PPFIA2: variants seen among roughly 807,000 people sequenced by gnomAD.
PPFIA2 encodes liprin-alpha-2.
Under a neutral mutation model 175.5 loss-of-function variants are expected in PPFIA2, and 46 were observed. The observed-to-expected ratio is 0.26, with a 90% confidence interval of 0.21 to 0.34. The LOEUF (loss-of-function observed/expected upper bound fraction) is 0.34, where lower values mean the gene tolerates loss of function less well. PPFIA2 is among the 10% of genes least tolerant of loss of function. The pLI is 1.00. For missense variants in PPFIA2, 1,179 were observed against 1,506.1 expected (o/e 0.78, Z 3.60); for synonymous variants, 568 against 511.4 (o/e 1.11, Z -1.49).
intron 3 of PPFIA2, among the ~76,000 whole-genome samples, chr12:81,748,165 A>G (rs964720841): frequency 6.9e-6 from 1 of 143,914 alleles, no homozygotes; most frequent in Non-Finnish European, 1.6e-5. Flanking sequence ...CTTTCTCTTC[A>G]ATAGTCTTTA....
chr12:81,559,788 T>C (rs2069604929), intron 4 of PPFIA2, among the ~76,000 whole-genome samples: 1 of 148,326 alleles, frequency 6.7e-6, no homozygotes, highest in African/African-American at 2.5e-5. Context: ...CAATGCTTTT[T>C]ACATGATGCT....
intron 4 of PPFIA2, among the ~76,000 whole-genome samples, chr12:81,594,549 A>G (rs1031233368): frequency 1.2e-4 from 18 of 152,184 alleles, no homozygotes; most frequent in African/African-American, 4.3e-4. Context: ...GTTGTTATTT[A>G]TGAAAGTTTC....
intron 4 of PPFIA2, among the ~76,000 whole-genome samples, chr12:81,597,602 C>G (rs1253983657): frequency 1.3e-5 from 2 of 151,998 alleles, no homozygotes; most frequent in African/African-American, 4.8e-5. Flanking sequence ...ACTCTTTCTG[C>G]GACGCACAAG....
At chr12:81,661,002 G>A (rs1473295569) in intron 4 of PPFIA2, among the ~76,000 whole-genome samples, 11 of 152,136 alleles carry the variant, frequency 7.2e-5, no homozygotes, top group Admixed American at 6.5e-4. Flanking sequence ...AATGCTGAGA[G>A]ATTTTGTCAC....
Position 81,447,208 on chromosome 12 carries a change from T to C in PPFIA2, c.406-1488A>G, listed in dbSNP as rs1486587722. ...AAATTTTCAAGGAGCCCTTTAAAATTTATCAATCTCTGATTATATTATGGT... is the reference window on the plus strand; with the variant it reads ...AAATTTTCAAGGAGCCCTTTAAAATCTATCAATCTCTGATTATATTATGGT... On this transcript the variant is annotated intron_variant, in intron 5 of 32. Transcript: ENST00000549396. Among the ~76,000 whole-genome samples the C allele has an allele frequency of 2.6e-5, 4 of 152,160 alleles. No individual in the cohort carries two copies. The East Asian group carries it at 7.7e-4, about 29-fold the overall frequency.
At chr12:81,270,143 G>T (rs2038648002) in intron 28 of PPFIA2, among the ~76,000 whole-genome samples, 1 of 152,152 alleles carries the variant, frequency 6.6e-6, no homozygotes, top group African/African-American at 2.4e-5. Context: ...TTTACATGTT[G>T]CAGTAGAATA....
chr12:81,717,746 TTG>T (rs1343653439), intron 3 of PPFIA2, among the ~76,000 whole-genome samples: 1 of 151,712 alleles, frequency 6.6e-6, no homozygotes, highest in African/African-American at 2.4e-5. Context: ...CCTTTCAGGA[TTG>T]TGTCTTAGGA....
chr12:81,283,115 C>T, intron 25 of PPFIA2, 76 bp from the exon 26 acceptor site: 1 of 1,373,226 alleles, frequency 7.3e-7, no homozygotes, highest in Non-Finnish European at 1.0e-6. Context: ...TAAAATTTTT[C>T]TAGCAGAAGC....
intron 4 of PPFIA2, among the ~76,000 whole-genome samples, chr12:81,541,985 A>G (rs1331274886): frequency 1.3e-5 from 2 of 151,994 alleles, no homozygotes; most frequent in Non-Finnish European, 2.9e-5. Context: ...TCAGTTTAAT[A>G]TAGATGTAGA....
At chr12:81,469,899 G>GCT (rs2056430135) in intron 4 of PPFIA2, among the ~76,000 whole-genome samples, 2 of 152,264 alleles carry the variant, frequency 1.3e-5, no homozygotes, top group South Asian at 2.1e-4. Context: ...GGACACCAGA[G>GCT]CTCTCTCTCT....
intron 4 of PPFIA2, among the ~76,000 whole-genome samples, chr12:81,566,546 A>AAG (rs1258490839): frequency 6.6e-6 from 1 of 151,418 alleles, no homozygotes; most frequent in Non-Finnish European, 1.5e-5. Flanking sequence ...AAAAAAAAAA[A>AAG]AAAAAAGAAA....
At chr12:81,593,628 G>A (rs1410404557) in intron 4 of PPFIA2, among the ~76,000 whole-genome samples, 3 of 152,130 alleles carry the variant, frequency 2.0e-5, no homozygotes, top group African/African-American at 7.2e-5. Flanking sequence ...CAAATAAAGA[G>A]GATTTTTTAC....
chr12:81,457,424 G>A (rs1014736536), intron 5 of PPFIA2, among the ~76,000 whole-genome samples: 1 of 151,516 alleles, frequency 6.6e-6, no homozygotes, highest in African/African-American at 2.4e-5. Flanking sequence ...TCCAACCTCT[G>A]AGGGATTACC....
intron 22 of PPFIA2, among the ~76,000 whole-genome samples, chr12:81,324,283 T>C (rs2054285495): frequency 6.6e-6 from 1 of 152,056 alleles, no homozygotes; most frequent in African/African-American, 2.4e-5. Context: ...TAAATCACTG[T>C]ATAATTGAAA....
chr12:81,479,360 T>G (rs1262829132), intron 4 of PPFIA2, among the ~76,000 whole-genome samples: 2 of 152,222 alleles, frequency 1.3e-5, no homozygotes, highest in Admixed American at 1.3e-4. Flanking sequence ...AGCACACCGA[T>G]AGGTCTTGAC....
At chr12:81,625,116 A>C (rs999753772) in intron 4 of PPFIA2, among the ~76,000 whole-genome samples, 1 of 151,908 alleles carries the variant, frequency 6.6e-6, no homozygotes, top group African/African-American at 2.4e-5. Context: ...GTATGAATAG[A>C]TATAAATTAT....
intron 4 of PPFIA2, among the ~76,000 whole-genome samples, chr12:81,534,436 A>G (rs970417119): frequency 6.6e-6 from 1 of 151,740 alleles, no homozygotes; most frequent in Non-Finnish European, 1.5e-5. Context: ...GTAACAAAAT[A>G]TCACAGGTAC....
intron 4 of PPFIA2, chr12:81,535,577 T>C (rs137996155): frequency 2.5e-5 from 10 of 398,700 alleles, no homozygotes; most frequent in Admixed American, 2.9e-5. Context: ...TTCTAGATAC[T>C]ACCTTGGCAA....
At chr12:81,505,176 T>C (rs2061014211) in intron 4 of PPFIA2, among the ~76,000 whole-genome samples, 1 of 151,906 alleles carries the variant, frequency 6.6e-6, no homozygotes, top group African/African-American at 2.4e-5. Flanking sequence ...GCAACTAGGT[T>C]TAAGAGAAAC....
Sources: allele counts gnomAD v4.1 joint callset (sites outside exome capture counted in the v4.1 genomes callset), GRCh38; gene constraint gnomAD v4.1.1; transcripts MANE v1.5; gene names NCBI Gene and HGNC (gene_info 2026-07-23, HGNC 2026-07-21).